ADSL: variants seen among roughly 807,000 people sequenced by gnomAD.
ADSL encodes the protein adenylosuccinase.
A neutral mutation model predicts 62.1 loss-of-function variants in ADSL; 44 were observed. The observed-to-expected ratio is 0.71, with a 90% CI of 0.56 to 0.91. ADSL has a LOEUF of 0.91. ADSL is among the 40% of genes least tolerant of loss of function. ADSL has a pLI of 0.00. For synonymous variants in ADSL, 198 were observed against 220.5 expected, an observed-to-expected ratio of 0.90 and a Z score of 0.90; for missense variants, 531 against 627.4, an observed-to-expected ratio of 0.85 and a Z score of 1.64.
Position 40,364,324 on chromosome 22 carries a change from A to G in ADSL, c.1150A>G (p.Asn384Asp). The change falls in exon 11 of 13, where the codon AAC becomes GAC. Residue 384 changes from asparagine (N) to aspartate (D), a missense_variant. Physicochemically the swap from Asn to Asp is conservative, Grantham distance 23. Transcript: ENST00000623063. Reference protein sequence around the residue: ...RQELPFMATENIIMAMVKAGG... With the variant: ...RQELPFMATEDIIMAMVKAGG... ...AGAGCTGCCTTTCATGGCCACAGAG[A>G]ACATCATCATGGCCATGGTCAAAGC... The G allele has an allele frequency of 6.2e-7, 1 of 1,614,088 alleles. No individual in the cohort carries two copies. The highest frequency in any genetic ancestry group is 8.5e-7 in the Non-Finnish European group (1 of 1,180,024).
chr22:40,386,645 C>T (rs1006367564), intron 2 of ADSL, among the ~76,000 whole-genome samples: 1 of 138,048 alleles, frequency 7.2e-6, no homozygotes, highest in Non-Finnish European at 1.5e-5. Flanking sequence ...TGGTCTTGAA[C>T]TCCTGGCCTC....
rs2044282949 is a variant in ADSL, at chr22:40,350,022, T to C, written c.344T>C (p.Val115Ala). Reference protein sequence around the residue: ...IIHLGATSCYVGDNTDLIILR... With the variant: ...IIHLGATSCYAGDNTDLIILR... The stretch of plus-strand genomic sequence containing the variant: ...CACCTTGGTGCTACTTCTTGCTATG[T>C]TGGAGACAATACTGTAGGCGCCTGT... Residue 115 changes from valine to alanine, a missense_variant, in exon 2 of 13, where the codon GTT (valine) becomes GCT (alanine). By Grantham distance (64) the Val-to-Ala change is moderately conservative. Transcript: ENST00000623063. The C allele has an allele frequency of 1.9e-6, 3 of 1,613,952 alleles. No individual in the cohort carries two copies. Among genetic ancestry groups the C allele is most frequent in the Non-Finnish European group, 2.5e-6 (3 of 1,179,822 alleles).
At chr22:40,377,946 T>C (rs886365360) in intron 2 of ADSL, among the ~76,000 whole-genome samples, 1 of 152,082 alleles carries the variant, frequency 6.6e-6, no homozygotes. Context: ...CTGAAGTATG[T>C]AGAATACAAA....
At chr22:40,350,832 G>C (rs2044318879) in intron 2 of ADSL, among the ~76,000 whole-genome samples, 1 of 151,948 alleles carries the variant, frequency 6.6e-6, no homozygotes, top group African/African-American at 2.4e-5. Flanking sequence ...TGTTGGTCAG[G>C]CTGGTCTTGA....
At chr22:40,354,460 A>G (rs915371939) in intron 4 of ADSL, 133 bp downstream of exon 4, 11 of 792,188 alleles carry the variant, frequency 1.4e-5, no homozygotes, top group African/African-American at 1.0e-4. Flanking sequence ...TGGGATGCTT[A>G]TAAGGAATGA....
At chr22:40,374,634 G>T (rs769409567) in intron 2 of ADSL, among the ~76,000 whole-genome samples, 2 of 152,244 alleles carry the variant, frequency 1.3e-5, no homozygotes, top group Non-Finnish European at 2.9e-5. Flanking sequence ...TGTAATCCCA[G>T]CACTTTGGGA....
At chr22:40,385,680 A>T (rs563355758) in intron 2 of ADSL, among the ~76,000 whole-genome samples, 1 of 152,286 alleles carries the variant, frequency 6.6e-6, no homozygotes, top group Non-Finnish European at 1.5e-5. Flanking sequence ...AGCAGAGAGT[A>T]GTTGGGTTTC....
At chr22:40,355,482 G>A (rs182057192) in intron 4 of ADSL, among the ~76,000 whole-genome samples, 7 of 152,150 alleles carry the variant, frequency 4.6e-5, no homozygotes, top group Admixed American at 3.9e-4. Context: ...AAACAGAATC[G>A]CATACAATAT....
At chr22:40,387,111 T>G (rs998708134) in intron 2 of ADSL, 2 of 397,170 alleles carry the variant, frequency 5.0e-6, no homozygotes, top group Non-Finnish European at 8.9e-6. Context: ...ATAGTGAGAC[T>G]GCTGAGGGGT....
chr22:40,355,784 G>T (rs1367560952), intron 4 of ADSL, among the ~76,000 whole-genome samples: 2 of 152,156 alleles, frequency 1.3e-5, no homozygotes, highest in African/African-American at 4.8e-5. Context: ...AGCTTGTGAT[G>T]TGCCTCCTAT....
intron 4 of ADSL, among the ~76,000 whole-genome samples, 153 bp from the exon 5 acceptor site, chr22:40,358,711 T>C (rs2044658497): frequency 6.6e-6 from 1 of 152,202 alleles, no homozygotes; most frequent in Non-Finnish European, 1.5e-5. Flanking sequence ...GGTTAAACAT[T>C]TTATCTCTTG....
chr22:40,380,699 G>C (rs2047427729), intron 2 of ADSL, among the ~76,000 whole-genome samples: 1 of 152,100 alleles, frequency 6.6e-6, no homozygotes, highest in Admixed American at 6.6e-5. Flanking sequence ...ACTTTGGGAG[G>C]CCAAGGTAGG....
intron 12 of ADSL, among the ~76,000 whole-genome samples, chr22:40,365,752 T>A (rs1029382625): frequency 6.6e-6 from 1 of 151,912 alleles, no homozygotes; most frequent in Non-Finnish European, 1.5e-5. Context: ...GCGCCTGTAG[T>A]CTCTGCTACT....
At chr22:40,380,259 T>C (rs531942215) in intron 2 of ADSL, among the ~76,000 whole-genome samples, 3 of 152,324 alleles carry the variant, frequency 2.0e-5, no homozygotes, top group Non-Finnish European at 4.4e-5. Flanking sequence ...GTAATTACAC[T>C]TATCTGCACC....
Position 40,358,962 on chromosome 22 carries a change from G to T in ADSL, c.581G>T (p.Arg194Leu). 1.2e-6 allele frequency: 2 copies of T among 1,614,184 alleles called. No individual in the cohort carries two copies. Among genetic ancestry groups the T allele is most frequent in the East Asian group, 2.2e-5 (1 of 44,888 alleles). ...TTGAAGCGTGTCCGAGATGACCTGCGCTTCCGGGGAGTAAAGGGTACCACT... is the reference window on the plus strand; with the variant it reads ...TTGAAGCGTGTCCGAGATGACCTGCTCTTCCGGGGAGTAAAGGGTACCACT... Reference protein sequence around the residue: ...QNLKRVRDDLRFRGVKGTTGT... With the variant: ...QNLKRVRDDLLFRGVKGTTGT... The change falls in exon 5 of 13, where the codon CGC (arginine) becomes CTC (leucine). Residue 194 changes from arginine (R) to leucine (L), a missense_variant. Arg to Leu is a moderately radical substitution (Grantham distance 102, BLOSUM62 -2). Coordinates refer to ENST00000623063, the MANE Select transcript of ADSL (RefSeq NM_000026.4).
chr22:40,369,643 A>C (rs6001889), downstream of ADSL, among the ~76,000 whole-genome samples: 41 of 152,034 alleles, frequency 2.7e-4, no homozygotes, highest in African/African-American at 9.6e-4. Context: ...AGCTGGGACT[A>C]TGGCACACAC....
chr22:40,373,509 C>A (rs557265208), downstream of ADSL: 1 of 152,166 alleles, frequency 6.6e-6, no homozygotes, highest in African/African-American at 2.4e-5. Context: ...CTTATAAAGA[C>A]GGCTAAGACA....
rs2044853021 is a variant in ADSL at position 40,362,989 on chromosome 22, G to A, written c.1019G>A (p.Cys340Tyr). 6.2e-7 allele frequency: 1 copy of A among 1,613,874 alleles called. No individual in the cohort carries two copies. The highest frequency in any genetic ancestry group is 8.5e-7 in the Non-Finnish European group (1 of 1,179,738). Residue 340 changes from cysteine to tyrosine, a missense_variant, in exon 10 of 13, where the codon TGT becomes TAT. Coordinates refer to ENST00000623063, the MANE Select transcript of ADSL (RefSeq NM_000026.4). ...GGCTATTTGTTTTCTAGACGGATCT[G>A]TTTGGCCGAGGCATTTCTTACCGCA... ...TLDDSANRRICLAEAFLTADT... is the reference protein window; with the variant it reads ...TLDDSANRRIYLAEAFLTADT...
At position 40,369,205 on chromosome 22, in the gene ADSL, A is replaced by G. The variant is rs936430983; in HGVS notation, c.*2683A>G. On this transcript the variant is annotated 3_prime_UTR_variant, in exon 13 of 13. Coordinates refer to ENST00000623063, the MANE Select transcript of ADSL (RefSeq NM_000026.4). ...CAATTCTGTTAGACTAATGATCTCC[A>G]GTGATTGGCGATTTGACCTGGTTTC... 18 of 152,206 alleles carry G rather than the reference A, an allele frequency of 1.2e-4. No individual in the cohort carries two copies. The highest frequency in any genetic ancestry group is 4.3e-4 in the African/African-American group (18 of 41,454). The allele number at this position is 152,206 out of a possible 1,614,324, so 9.4% of individuals were successfully genotyped here. A position where few individuals can be genotyped will look rare whatever the true frequency, so the allele number is the denominator to read the frequency against.
Sources: gnomAD v4.1 joint callset for allele counts (sites outside exome capture counted in the v4.1 genomes callset) on GRCh38, gnomAD v4.1.1 for gene constraint, MANE v1.5 for transcripts, NCBI Gene and HGNC (gene_info 2026-07-23, HGNC 2026-07-21) for gene names.